Variants in TMEM9 observed in about 807,000 individuals in gnomAD.
TMEM9 encodes transmembrane protein 9, also known as proton-transporting V-type ATPase complex assembly regulator TMEM9.
TMEM9 carries 13 observed loss-of-function variants against 22.8 expected under a neutral mutation model. That is an observed-to-expected ratio of 0.57 (90% confidence interval 0.37 to 0.91). TMEM9 has a LOEUF of 0.91. Among genes scored for constraint, TMEM9 ranks in the 40% least tolerant of loss-of-function variants. The pLI is 0.01. For missense variants in TMEM9, 182 were observed against 238.1 expected (o/e 0.76, Z 1.55); for synonymous variants, 88 against 93.0 (o/e 0.95, Z 0.31).
chr1:201,155,437 CT>C (rs1665759611), upstream of TMEM9, among the ~76,000 whole-genome samples: 1 of 152,212 alleles, frequency 6.6e-6, no homozygotes, highest in Non-Finnish European at 1.5e-5. Flanking sequence ...GCCCTGTGAA[CT>C]GAGGTGGGCA....
At chr1:201,140,132 AT>A (rs1239505379) in intron 4 of TMEM9, among the ~76,000 whole-genome samples, 2 of 152,200 alleles carry the variant, frequency 1.3e-5, no homozygotes, top group Non-Finnish European at 2.9e-5. Flanking sequence ...CGGTGCCTGC[AT>A]GTTCCAGTTC....
At chr1:201,167,411 C>T (rs944595968) in intron 1 of TMEM9, among the ~76,000 whole-genome samples, 15 of 152,160 alleles carry the variant, frequency 9.9e-5, no homozygotes, top group Non-Finnish European at 1.9e-4. Flanking sequence ...GGTTGAGTTG[C>T]TTCTCCATGG....
chr1:201,151,901 C>T (rs1290108076), intron 1 of TMEM9, 49 bp from the exon 2 acceptor site: 4 of 1,431,350 alleles, frequency 2.8e-6, no homozygotes, highest in Non-Finnish European at 3.9e-6. Context: ...GCCTGGGGTT[C>T]AGGGGGTTCA....
chr1:201,170,121 T>A (rs1666175983), intron 1 of TMEM9, among the ~76,000 whole-genome samples: 1 of 152,186 alleles, frequency 6.6e-6, no homozygotes, highest in African/African-American at 2.4e-5. Context: ...CAGAGCTTCC[T>A]CCCCTGGCAT....
Position 201,135,799 on chromosome 1 carries a change from G to A in TMEM9, c.416C>T (p.Ala139Val). ...EEENEDARSMAAAAASLGGPR... is the reference protein window; with the variant it reads ...EEENEDARSMVAAAASLGGPR... Reference sequence around the variant, plus strand: ...TCCCCCGAGGGATGCAGCAGCTGCTGCCATAGAGCGAGCATCCTGTAGTGG... The same window carrying A: ...TCCCCCGAGGGATGCAGCAGCTGCTACCATAGAGCGAGCATCCTGTAGTGG... Residue 139 changes from alanine (A) to valine (V), a missense_variant, in exon 5 of 5, where the codon GCA becomes GTA. Ala to Val is a moderately conservative substitution (Grantham distance 64, BLOSUM62 0). Coordinates refer to ENST00000367330, the MANE Select transcript of TMEM9 (RefSeq NM_001288565.2). The A allele has an allele frequency of 6.2e-7, 1 of 1,609,448 alleles. No homozygotes were observed. The highest frequency in any genetic ancestry group is 8.5e-7 in the Non-Finnish European group (1 of 1,177,916).
intron 2 of TMEM9, among the ~76,000 whole-genome samples, chr1:201,150,924 G>T (rs1044333569): frequency 6.6e-6 from 1 of 152,096 alleles, no homozygotes; most frequent in Non-Finnish European, 1.5e-5. Flanking sequence ...TGTGCTCGGG[G>T]CCCTCCAAGA....
intron 4 of TMEM9, among the ~76,000 whole-genome samples, chr1:201,141,815 C>G (rs1284148799): frequency 6.6e-6 from 1 of 152,128 alleles, no homozygotes. Context: ...GTAAGAGAGA[C>G]CTGGGTTCAT....
upstream of TMEM9, among the ~76,000 whole-genome samples, chr1:201,156,836 G>A (rs1241858616): frequency 6.6e-6 from 1 of 152,204 alleles, no homozygotes; most frequent in Non-Finnish European, 1.5e-5. Flanking sequence ...GCTCACAGAT[G>A]CTAGGTACCC....
chr1:201,160,270 C>A (rs894859242), intron 1 of TMEM9, among the ~76,000 whole-genome samples: 5 of 152,182 alleles, frequency 3.3e-5, no homozygotes, highest in African/African-American at 1.2e-4. Flanking sequence ...ACTTTCAGGT[C>A]TTGTGTCCTT....
Position 201,154,186 on chromosome 1 carries a change from C to G in TMEM9, c.-263G>C, listed in dbSNP as rs1665664652. 1 of 437,398 alleles carries G rather than the reference C, an allele frequency of 2.3e-6. No individual in the cohort carries two copies. Among genetic ancestry groups the G allele is most frequent in the Admixed American group, 4.1e-5 (1 of 24,442 alleles). The allele number at this position is 437,398 out of a possible 1,614,324, so 27.1% of individuals were successfully genotyped here. On this transcript the variant is annotated 5_prime_UTR_variant, in exon 1 of 5. Transcript: ENST00000367330. The stretch of plus-strand genomic sequence containing the variant: ...CAGAGGGGTCCTCGAGGGGACACCG[C>G]TGCCAGGGGCCTCCAGTTCCTTCTC...
rs1470203178 is a variant in TMEM9, at chr1:201,153,937, G to C, written c.-14C>G. The stretch of plus-strand genomic sequence containing the variant: ...TAAGAGCTTCATGCTTATCAGGCTT[G>C]CTGGGCCAGCAAAGCCGGACACCTG... On this transcript the variant is annotated 5_prime_UTR_variant, in exon 1 of 5. Coordinates refer to ENST00000367330, the MANE Select transcript of TMEM9 (RefSeq NM_001288565.2). 6.2e-7 allele frequency: 1 copy of C among 1,601,116 alleles called. No homozygotes were observed. Among genetic ancestry groups the C allele is most frequent in the Admixed American group, 1.7e-5 (1 of 57,984 alleles).
intron 1 of TMEM9, among the ~76,000 whole-genome samples, chr1:201,160,612 A>T (rs1474020773): frequency 9.4e-6 from 1 of 106,654 alleles, no homozygotes; most frequent in African/African-American, 3.1e-5. Context: ...TTGAGGTTAT[A>T]CTGGGGAAAT....
intron 1 of TMEM9, among the ~76,000 whole-genome samples, chr1:201,165,160 A>G (rs917586340): frequency 7.0e-6 from 1 of 143,634 alleles, no homozygotes; most frequent in Non-Finnish European, 1.5e-5. Flanking sequence ...TTATATATAT[A>G]TATATATATA....
rs116261380 is a variant in TMEM9, at chr1:201,138,456, C to T, written c.400-2641G>A. ...TGGGGCCTCATCCTTGCTTGCTCTG[C>T]AGCAAGTATGGTGGGTGGAAGTGGG... is the stretch of plus-strand genomic sequence containing the variant. On this transcript the variant is annotated intron_variant, in intron 4 of 4. Transcript: ENST00000367330. Among the ~76,000 whole-genome samples the T allele has an allele frequency of 7.8e-3, 1,192 of 152,268 alleles. 17 individuals carry two copies. Among genetic ancestry groups the T allele is most frequent in the African/African-American group, 0.027 (1,137 of 41,522 alleles).
intron 1 of TMEM9, chr1:201,171,355 G>T (rs1463600445): frequency 2.6e-5 from 4 of 152,304 alleles, no homozygotes; most frequent in Non-Finnish European, 4.4e-5. Flanking sequence ...GATTTACCGC[G>T]CCTGGAGGTC....
chr1:201,162,538 A>G (rs1209469567), intron 1 of TMEM9, among the ~76,000 whole-genome samples: 4 of 99,956 alleles, frequency 4.0e-5, no homozygotes, highest in African/African-American at 6.4e-5. Context: ...ACATAGGGAA[A>G]AAAAAAAAAA....
chr1:201,134,979 G>T lies in TMEM9; in HGVS notation c.*684C>A. On this transcript the variant is annotated 3_prime_UTR_variant, in exon 5 of 5. Transcript: ENST00000367330. Reference sequence around the variant, plus strand: ...TCTGGCTCAGTGACTGTGGACACTGGGGAGAGGAGGGACTGCCCAGACCCC... The same window carrying T: ...TCTGGCTCAGTGACTGTGGACACTGTGGAGAGGAGGGACTGCCCAGACCCC... 6.5e-6 allele frequency: 1 copy of T among 152,940 alleles called. No individual in the cohort carries two copies. 9.5% of individuals were successfully genotyped at this position (152,940 alleles called of 1,614,324 possible). A position where few individuals can be genotyped will look rare whatever the true frequency, so the allele number is the denominator to read the frequency against.
chr1:201,142,710 G>T (rs1664635629), intron 4 of TMEM9, among the ~76,000 whole-genome samples: 1 of 152,216 alleles, frequency 6.6e-6, no homozygotes, highest in South Asian at 2.1e-4. Context: ...GTATCTTCCA[G>T]CAGCAAGGCC....
intron 3 of TMEM9, chr1:201,145,239 T>G (rs1393415436): frequency 2.0e-5 from 3 of 152,282 alleles, no homozygotes; most frequent in African/African-American, 7.2e-5. Context: ...GAGGTCCCCA[T>G]GCCAGGAAGT....
Sources: allele counts gnomAD v4.1 joint callset (sites outside exome capture counted in the v4.1 genomes callset), GRCh38; gene constraint gnomAD v4.1.1; transcripts MANE v1.5; gene names NCBI Gene and HGNC (gene_info 2026-07-23, HGNC 2026-07-21).